LPP: variants seen among roughly 807,000 people sequenced by gnomAD.
LPP encodes LIM domain containing preferred translocation partner in lipoma.
In LPP, 38 loss-of-function variants were observed where a neutral mutation model predicts 60.4. The observed-to-expected ratio is 0.63, with a 90% CI of 0.49 to 0.83. The LOEUF (loss-of-function observed/expected upper bound fraction) is 0.83, where lower values mean the gene tolerates loss of function less well. Ranked by LOEUF, LPP falls within the 40% of genes least tolerant of loss-of-function variation. The pLI is 0.00. For synonymous variants in LPP, 328 were observed against 290.8 expected (o/e 1.13, Z -1.30); for missense variants, 902 against 783.6 (o/e 1.15, Z -1.80).
intron 6 of LPP, among the ~76,000 whole-genome samples, chr3:188,550,305 G>A (rs763738256): frequency 4.4e-4 from 67 of 152,254 alleles, no homozygotes; most frequent in South Asian, 1.2e-3. Flanking sequence ...AGGGCCAGGT[G>A]CAGTGGCTCG....
chr3:188,800,268 T>C (rs1487565843), intron 9 of LPP, among the ~76,000 whole-genome samples: 17 of 119,176 alleles, frequency 1.4e-4, no homozygotes, highest in East Asian at 1.1e-3. Flanking sequence ...TTTTTTGAGA[T>C]GGAGTCTCGC....
At chr3:188,765,933 T>G (rs1371417652) in intron 9 of LPP, among the ~76,000 whole-genome samples, 1 of 146,462 alleles carries the variant, frequency 6.8e-6, no homozygotes, top group Non-Finnish European at 1.5e-5. Flanking sequence ...TGCAGTGGTA[T>G]GATCTTGGCT....
At chr3:188,681,431 G>A (rs73196735) in intron 7 of LPP, among the ~76,000 whole-genome samples, 4,802 of 152,260 alleles carry the variant, frequency 0.032, 122 homozygotes, top group Non-Finnish European at 0.051. Context: ...GGTTCAGGAA[G>A]AGCCTTTCCC....
intron 4 of LPP, among the ~76,000 whole-genome samples, chr3:188,413,919 C>T (rs970539585): frequency 1.3e-5 from 2 of 151,972 alleles, no homozygotes; most frequent in Non-Finnish European, 2.9e-5. Flanking sequence ...GTTTTGAAAG[C>T]CAAATATGAT....
chr3:188,667,715 A>G (rs1043299816), intron 7 of LPP, among the ~76,000 whole-genome samples: 14 of 149,266 alleles, frequency 9.4e-5, no homozygotes, highest in Middle Eastern at 6.8e-3. Flanking sequence ...GACAGATACC[A>G]TTTGTGACCT....
At chr3:188,262,544 G>T (rs948621007) in intron 2 of LPP, among the ~76,000 whole-genome samples, 8 of 151,866 alleles carry the variant, frequency 5.3e-5, no homozygotes, top group Admixed American at 2.6e-4. Context: ...TTTATGTAAC[G>T]TTTTTAAAGG....
chr3:188,782,737 G>A (rs62291351), intron 9 of LPP, among the ~76,000 whole-genome samples: 1 of 147,096 alleles, frequency 6.8e-6, no homozygotes, highest in Admixed American at 6.8e-5. Context: ...GAATGTTGCT[G>A]GGAAAAAAAA....
intron 2 of LPP, among the ~76,000 whole-genome samples, chr3:188,256,906 C>A (rs1731856159): frequency 6.6e-6 from 1 of 152,198 alleles, no homozygotes; most frequent in Non-Finnish European, 1.5e-5. Context: ...TGGAATAGGC[C>A]TCTCACATTT....
chr3:188,676,255 GA>G (rs1359111759), intron 7 of LPP, among the ~76,000 whole-genome samples: 1 of 152,108 alleles, frequency 6.6e-6, no homozygotes, highest in Non-Finnish European at 1.5e-5. Context: ...CTAAAATACT[GA>G]AACAGCTACA....
chr3:188,250,730 CTTTCTTTCTT>C (rs1728873333), intron 2 of LPP, among the ~76,000 whole-genome samples: 3 of 56,178 alleles, frequency 5.3e-5, no homozygotes, highest in Non-Finnish European at 7.0e-5. Context: ...TTCTCTCTTT[CTTTCTTTCTT>C]TCTTTCTTTC....
intron 8 of LPP, among the ~76,000 whole-genome samples, chr3:188,722,198 T>C (rs1052308389): frequency 6.6e-6 from 1 of 152,132 alleles, no homozygotes; most frequent in Non-Finnish European, 1.5e-5. Context: ...TGGAATAGGA[T>C]GTTGAATATG....
At chr3:188,502,662 T>C (rs1812253144) in intron 5 of LPP, among the ~76,000 whole-genome samples, 1 of 152,208 alleles carries the variant, frequency 6.6e-6, no homozygotes, top group Admixed American at 6.5e-5. Flanking sequence ...CCTTAAGTTG[T>C]GATGGGGTTA....
chr3:188,512,408 C>G (rs754467795), intron 5 of LPP, among the ~76,000 whole-genome samples: 4 of 151,984 alleles, frequency 2.6e-5, no homozygotes, highest in Non-Finnish European at 5.9e-5. Flanking sequence ...CAAAATTAGC[C>G]AGGCGTGTTG....
chr3:188,416,129 A>G (rs1246340880), intron 4 of LPP, among the ~76,000 whole-genome samples: 2 of 152,074 alleles, frequency 1.3e-5, no homozygotes, highest in African/African-American at 2.4e-5. Context: ...ATAGTAAAAT[A>G]AAGGAATGCA....
chr3:188,789,985 T>C (rs1280052324), intron 9 of LPP, among the ~76,000 whole-genome samples: 3 of 152,188 alleles, frequency 2.0e-5, no homozygotes, highest in Admixed American at 6.5e-5. Context: ...TACAACCTTT[T>C]CGAAACAAAA....
intron 6 of LPP, among the ~76,000 whole-genome samples, chr3:188,586,682 AGTTTCTCCCCTCCTC>A (rs1837521410): frequency 6.6e-6 from 1 of 151,744 alleles, no homozygotes; most frequent in East Asian, 1.9e-4. Flanking sequence ...GTTCCCTGGG[AGTTTCTCCCCTCCTC>A]GTAGGTATTT....
intron 5 of LPP, among the ~76,000 whole-genome samples, chr3:188,486,996 A>G (rs1806740782): frequency 6.6e-6 from 1 of 152,150 alleles, no homozygotes; most frequent in Admixed American, 6.5e-5. Flanking sequence ...AATATGTACA[A>G]TTTTTAAAGT....
At chr3:188,790,163 C>G (rs972936960) in intron 9 of LPP, among the ~76,000 whole-genome samples, 2 of 152,028 alleles carry the variant, frequency 1.3e-5, no homozygotes, top group Non-Finnish European at 2.9e-5. Flanking sequence ...AGTACAGCAA[C>G]TGCATGCAAT....
intron 6 of LPP, among the ~76,000 whole-genome samples, chr3:188,576,868 C>G (rs1834743591): frequency 6.6e-6 from 1 of 152,146 alleles, no homozygotes; most frequent in Non-Finnish European, 1.5e-5. Flanking sequence ...TTTCAGAAAA[C>G]ATTGTACATT....
Sources: allele counts gnomAD v4.1 joint callset (sites outside exome capture counted in the v4.1 genomes callset), GRCh38; gene constraint gnomAD v4.1.1; transcripts MANE v1.5; gene names NCBI Gene and HGNC (gene_info 2026-07-23, HGNC 2026-07-21).